Variants in SGCZ observed in about 807,000 individuals in gnomAD.
The protein encoded by SGCZ is zeta-sarcoglycan.
Under a neutral mutation model 41.3 loss-of-function variants are expected in SGCZ, and 40 were observed. The ratio of observed to expected loss-of-function variants is 0.97; its 90% CI spans 0.75 to 1.26. The LOEUF is 1.26. Among genes scored for constraint, SGCZ ranks in the 50% most tolerant of loss-of-function variants. SGCZ has a pLI of 0.00. For synonymous variants in SGCZ, 206 were observed against 137.5 expected (o/e 1.50, Z -3.49); for missense variants, 552 against 369.8 (o/e 1.49, Z -4.04).
At chr8:15,040,298 T>C (rs1045591900) in intron 1 of SGCZ, among the ~76,000 whole-genome samples, 19 of 152,302 alleles carry the variant, frequency 1.2e-4, no homozygotes, top group African/African-American at 4.6e-4. Context: ...ACATTAGTCT[T>C]AAATGTCCTA....
At chr8:14,433,901 T>A (rs184766929) in intron 2 of SGCZ, among the ~76,000 whole-genome samples, 2 of 152,294 alleles carry the variant, frequency 1.3e-5, no homozygotes, top group Admixed American at 1.3e-4. Context: ...ATAGGAATGC[T>A]ACATTTTCTA....
intron 1 of SGCZ, among the ~76,000 whole-genome samples, chr8:14,907,022 G>A (rs182049384): frequency 3.9e-5 from 6 of 152,164 alleles, no homozygotes; most frequent in Admixed American, 3.3e-4. Context: ...AACTCAAAAT[G>A]TTACCATAAA....
At chr8:14,192,235 C>A (rs1216343707) in intron 4 of SGCZ, among the ~76,000 whole-genome samples, 1 of 151,876 alleles carries the variant, frequency 6.6e-6, no homozygotes, top group Non-Finnish European at 1.5e-5. Context: ...AATTATTATG[C>A]TTACCAAATT....
intron 1 of SGCZ, among the ~76,000 whole-genome samples, chr8:14,975,037 G>A (rs867792418): frequency 3.2e-4 from 49 of 152,130 alleles, no homozygotes; most frequent in African/African-American, 1.1e-3. Context: ...ACATCTATAA[G>A]AATTCCAGCC....
chr8:14,619,093 A>T (rs577765811), intron 1 of SGCZ, among the ~76,000 whole-genome samples: 1 of 152,124 alleles, frequency 6.6e-6, no homozygotes, highest in East Asian at 1.9e-4. Flanking sequence ...CCTGACACTG[A>T]GTAATTTATA....
chr8:14,395,988 A>G (rs1798908094), intron 2 of SGCZ, among the ~76,000 whole-genome samples: 1 of 152,182 alleles, frequency 6.6e-6, no homozygotes, highest in Non-Finnish European at 1.5e-5. Context: ...TTTACATCTA[A>G]TGTATCCTCA....
intron 2 of SGCZ, among the ~76,000 whole-genome samples, chr8:14,417,967 C>T (rs1363346510): frequency 4.0e-5 from 6 of 151,688 alleles, no homozygotes; most frequent in African/African-American, 1.2e-4. Context: ...TATTATTTGT[C>T]GAAGCGTATC....
chr8:14,929,184 G>A (rs550539955), intron 1 of SGCZ, among the ~76,000 whole-genome samples: 115 of 152,028 alleles, frequency 7.6e-4, no homozygotes, highest in Non-Finnish European at 1.1e-3. Flanking sequence ...GTAGAGATGG[G>A]GTTTCACCAT....
chr8:15,226,546 G>A (rs1168074838), intron 1 of SGCZ, among the ~76,000 whole-genome samples: 6 of 152,106 alleles, frequency 3.9e-5, no homozygotes, highest in Non-Finnish European at 8.8e-5. Context: ...GGTGCCCTTA[G>A]GCATTTTTAG....
intron 1 of SGCZ, among the ~76,000 whole-genome samples, chr8:15,221,704 A>G (rs536261634): frequency 1.3e-5 from 2 of 152,130 alleles, no homozygotes; most frequent in Non-Finnish European, 2.9e-5. Flanking sequence ...ATAGTTGTCG[A>G]CGACTCTGCC....
chr8:14,317,850 T>C (rs1486515408), intron 3 of SGCZ, among the ~76,000 whole-genome samples: 1 of 152,010 alleles, frequency 6.6e-6, no homozygotes, highest in Non-Finnish European at 1.5e-5. Context: ...CATAATTAGC[T>C]TCCCAACAGA....
intron 1 of SGCZ, among the ~76,000 whole-genome samples, chr8:14,954,737 T>C (rs1449446060): frequency 1.3e-5 from 2 of 152,136 alleles, no homozygotes; most frequent in South Asian, 2.1e-4. Flanking sequence ...TCTTAACTGA[T>C]TGAGCCTTAG....
chr8:14,434,868 A>G (rs1261708231), intron 2 of SGCZ, among the ~76,000 whole-genome samples: 1 of 152,068 alleles, frequency 6.6e-6, no homozygotes, highest in African/African-American at 2.4e-5. Context: ...GGTCAAGGCT[A>G]CATGTAGTGA....
chr8:14,816,921 T>C (rs1468868543), intron 1 of SGCZ, among the ~76,000 whole-genome samples: 1 of 152,196 alleles, frequency 6.6e-6, no homozygotes, highest in African/African-American at 2.4e-5. Context: ...AACACCAAAA[T>C]ACATATATCA....
At chr8:14,318,886 A>T (rs1175447402) in intron 3 of SGCZ, among the ~76,000 whole-genome samples, 1 of 151,954 alleles carries the variant, frequency 6.6e-6, no homozygotes, top group Non-Finnish European at 1.5e-5. Context: ...AAAAATCGTT[A>T]TAAGATAAAA....
intron 1 of SGCZ, among the ~76,000 whole-genome samples, chr8:15,014,788 T>C (rs1802962417): frequency 1.3e-5 from 2 of 152,226 alleles, no homozygotes; most frequent in Admixed American, 6.5e-5. Context: ...GTGAGCATTG[T>C]GACAGCCTCA....
intron 5 of SGCZ, among the ~76,000 whole-genome samples, chr8:14,135,825 C>G (rs1347605542): frequency 6.6e-6 from 1 of 151,982 alleles, no homozygotes; most frequent in Non-Finnish European, 1.5e-5. Context: ...ATTGGTAGTA[C>G]CCTGATACCA....
chr8:14,827,613 T>C (rs900836187), intron 1 of SGCZ, among the ~76,000 whole-genome samples: 1 of 152,170 alleles, frequency 6.6e-6, no homozygotes, highest in Non-Finnish European at 1.5e-5. Flanking sequence ...GAGTCTGTGA[T>C]TGTTTTCATG....
At chr8:14,256,276 G>C (rs989264890) in intron 3 of SGCZ, among the ~76,000 whole-genome samples, 5 of 152,094 alleles carry the variant, frequency 3.3e-5, no homozygotes, top group Admixed American at 1.3e-4. Flanking sequence ...TAAGAGAGGT[G>C]CATGTATGAG....
Sources: allele counts gnomAD v4.1 joint callset (sites outside exome capture counted in the v4.1 genomes callset), GRCh38; gene constraint gnomAD v4.1.1; transcripts MANE v1.5; gene names NCBI Gene and HGNC (gene_info 2026-07-23, HGNC 2026-07-21).